EYS: variants seen among roughly 807,000 people sequenced by gnomAD.
EYS encodes protein eyes shut homolog.
Under a neutral mutation model 282.1 loss-of-function variants are expected in EYS, and 250 were observed. That is an observed-to-expected ratio of 0.89 (90% CI 0.80 to 0.98). The LOEUF is 0.98. EYS is among the 50% of genes least tolerant of loss of function. The probability of loss-of-function intolerance (pLI) is 0.00; values close to 1 mark genes in which losing one functional copy is unlikely to be tolerated. For synonymous variants in EYS, 1,355 were observed against 1,282.9 expected (o/e 1.06, Z -1.20); for missense variants, 4,016 against 3,709.0 (o/e 1.08, Z -2.15).
chr6:65,087,474 T>C lies in EYS; in HGVS notation c.2024-29747A>G, dbSNP rs114670095. Among the ~76,000 whole-genome samples the C allele has an allele frequency of 9.2e-3, 1,397 of 152,262 alleles. 6 individuals carry two copies. The highest frequency in any genetic ancestry group is 0.014 in the Non-Finnish European group (979 of 68,020). ...TTAGTTCCACACATTGGCTTTATGA[T>C]ACTACACAGCTGTGCATCTTACCTA... On this transcript the variant is annotated intron_variant, in intron 12 of 42. Transcript: ENST00000503581.
rs1225805349 is a variant in EYS at position 64,388,752 on chromosome 6, G to T, written c.6016C>A (p.Pro2006Thr). Residue 2006 changes from proline (P) to threonine (T), a missense_variant, in exon 29 of 43, where the codon CCC becomes ACC. Pro to Thr is a conservative substitution (Grantham distance 38). Coordinates refer to ENST00000503581, the MANE Select transcript of EYS (RefSeq NM_001142800.2). ...AAGACAGATCCTGATTTTGGCAGGG[G>T]TTTTCCGAGTACATGATTGATAGAT... is the stretch of plus-strand genomic sequence containing the variant. The part of the protein sequence containing the change: ...CESINHVLGK[P>T]LPKSGSVFIG... The T allele has an allele frequency of 6.5e-7, 1 of 1,544,904 alleles. No individual in the cohort carries two copies. The highest frequency in any genetic ancestry group is 8.7e-7 in the Non-Finnish European group (1 of 1,143,804).
chr6:64,511,622 G>A (rs1777406154), intron 26 of EYS, among the ~76,000 whole-genome samples: 1 of 152,008 alleles, frequency 6.6e-6, no homozygotes, highest in Admixed American at 6.6e-5. Flanking sequence ...TCCAGAACAC[G>A]AACACTGCTT....
chr6:65,540,678 G>C (rs1364442867), intron 2 of EYS, among the ~76,000 whole-genome samples: 1 of 152,146 alleles, frequency 6.6e-6, no homozygotes, highest in African/African-American at 2.4e-5. Context: ...CAGCACTTTG[G>C]GAGGCCGAGG....
intron 26 of EYS, among the ~76,000 whole-genome samples, chr6:64,491,731 A>G (rs1200563511): frequency 6.6e-6 from 1 of 151,108 alleles, no homozygotes; most frequent in Non-Finnish European, 1.5e-5. Context: ...TTTCAAAGAC[A>G]TAACTCACAA....
At chr6:64,371,996 C>A (rs1772388935) in intron 29 of EYS, among the ~76,000 whole-genome samples, 2 of 152,062 alleles carry the variant, frequency 1.3e-5, no homozygotes, top group African/African-American at 4.8e-5. Flanking sequence ...TTAATTGAAG[C>A]ATTTAGACTG....
At chr6:65,433,190 T>A (rs1562177937) in intron 5 of EYS, among the ~76,000 whole-genome samples, 1 of 152,096 alleles carries the variant, frequency 6.6e-6, no homozygotes, top group Admixed American at 6.5e-5. Context: ...TAGACAAGAA[T>A]ACAAAGGAAA....
At chr6:65,509,407 G>GATAAACTAACTTTTA (rs1766782063) in intron 2 of EYS, among the ~76,000 whole-genome samples, 1 of 152,082 alleles carries the variant, frequency 6.6e-6, no homozygotes, top group African/African-American at 2.4e-5. Flanking sequence ...GGTATGGGTG[G>GATAAACTAACTTTTA]TCTTTTTAAC....
chr6:64,885,531 G>A (rs1424063927), intron 19 of EYS, among the ~76,000 whole-genome samples: 1 of 151,680 alleles, frequency 6.6e-6, no homozygotes, highest in Non-Finnish European at 1.5e-5. Flanking sequence ...GATATATATG[G>A]TTCTACATTG....
chr6:64,199,472 C>T lies in EYS; in HGVS notation c.6424+31120G>A, dbSNP rs532034835. 7.9e-5 allele frequency among the ~76,000 whole-genome samples: 12 copies of T among 152,272 alleles called. No homozygotes were observed. In the South Asian group the frequency reaches 2.5e-3, roughly 32 times the overall value. On this transcript the variant is annotated intron_variant, in intron 31 of 42. Transcript: ENST00000503581. ...AAATGTAAGACCTAAACCATAAAAA[C>T]CCTAGAAGGAAACCTAGGCAATACA...
intron 9 of EYS, among the ~76,000 whole-genome samples, chr6:65,347,718 G>A (rs1770454606): frequency 6.6e-6 from 1 of 151,136 alleles, no homozygotes; most frequent in African/African-American, 2.4e-5. Context: ...TCCTTTCTTG[G>A]TGTTACAGAT....
chr6:63,880,487 G>GTATC (rs56891791), intron 35 of EYS, among the ~76,000 whole-genome samples: 18,823 of 142,612 alleles, frequency 0.13, 1,210 homozygotes, highest in East Asian at 0.17. Flanking sequence ...CTGTCTGTCT[G>GTATC]TATCTATCTA....
intron 22 of EYS, among the ~76,000 whole-genome samples, chr6:64,664,407 G>T (rs1230280566): frequency 6.6e-6 from 1 of 152,162 alleles, no homozygotes; most frequent in Non-Finnish European, 1.5e-5. Context: ...GGTGGATGCA[G>T]TCACCTTCCC....
chr6:64,848,886 A>G (rs1036697686), intron 19 of EYS, among the ~76,000 whole-genome samples: 6 of 152,126 alleles, frequency 3.9e-5, no homozygotes, highest in Non-Finnish European at 7.4e-5. Context: ...TATTTATCAG[A>G]TGAGAAATTT....
chr6:65,506,962 G>T (rs990440767), intron 2 of EYS, among the ~76,000 whole-genome samples: 1 of 151,942 alleles, frequency 6.6e-6, no homozygotes, highest in South Asian at 2.1e-4. Context: ...TTATTACTTT[G>T]AAGTTATTTC....
At chr6:65,133,490 C>T (rs1391961312) in intron 12 of EYS, among the ~76,000 whole-genome samples, 1 of 151,954 alleles carries the variant, frequency 6.6e-6, no homozygotes, top group Non-Finnish European at 1.5e-5. Flanking sequence ...CTACAACCAC[C>T]TGATGTTCTA....
intron 20 of EYS, among the ~76,000 whole-genome samples, 182 bp downstream of exon 20, chr6:64,822,469 T>G (rs1408280957): frequency 6.6e-6 from 1 of 152,054 alleles, no homozygotes; most frequent in Non-Finnish European, 1.5e-5. Flanking sequence ...AGGGCAGAGA[T>G]AATGTATCAG....
chr6:65,193,473 G>A (rs148040060), intron 12 of EYS, among the ~76,000 whole-genome samples: 18 of 151,880 alleles, frequency 1.2e-4, no homozygotes, highest in African/African-American at 2.9e-4. Flanking sequence ...CAGGGCCAGA[G>A]AAAGATAAAT....
At chr6:64,782,928 C>G (rs949301159) in intron 22 of EYS, among the ~76,000 whole-genome samples, 1 of 152,166 alleles carries the variant, frequency 6.6e-6, no homozygotes, top group Non-Finnish European at 1.5e-5. Context: ...GTTTAAATTA[C>G]CAATGGTCAG....
intron 13 of EYS, among the ~76,000 whole-genome samples, chr6:65,033,794 T>C (rs985004136): frequency 6.6e-6 from 1 of 151,672 alleles, no homozygotes; most frequent in Admixed American, 6.6e-5. Context: ...TCACACAGAG[T>C]CCCAAATTGG....
Sources: gnomAD v4.1 joint callset for allele counts (sites outside exome capture counted in the v4.1 genomes callset) on GRCh38, gnomAD v4.1.1 for gene constraint, MANE v1.5 for transcripts, NCBI Gene and HGNC (gene_info 2026-07-23, HGNC 2026-07-21) for gene names.